MDGA2: variants seen among roughly 807,000 people sequenced by gnomAD.
MDGA2 encodes the protein MAM domain-containing glycosylphosphatidylinositol anchor protein 2.
MDGA2 carries 40 observed loss-of-function variants against 117.8 expected under a neutral mutation model. That is an observed-to-expected ratio of 0.34 (90% CI 0.26 to 0.44). The LOEUF is 0.44. MDGA2 is among the 20% of genes least tolerant of loss of function. MDGA2 has a pLI of 1.00. For synonymous variants in MDGA2, 452 were observed against 439.0 expected, an observed-to-expected ratio of 1.03 and a Z score of -0.37; for missense variants, 1,123 against 1,250.6, an observed-to-expected ratio of 0.90 and a Z score of 1.54.
chr14:47,552,906 T>C (rs1566511543), intron 1 of MDGA2, among the ~76,000 whole-genome samples: 1 of 152,226 alleles, frequency 6.6e-6, no homozygotes, highest in African/African-American at 2.4e-5. Flanking sequence ...TCCTTCCCCA[T>C]GGATTGCTTT....
At chr14:47,394,382 G>A (rs984072628) in intron 1 of MDGA2, among the ~76,000 whole-genome samples, 5 of 152,128 alleles carry the variant, frequency 3.3e-5, no homozygotes, top group African/African-American at 1.2e-4. Context: ...GTAACCTAGT[G>A]TAAAAGGTCC....
intron 5 of MDGA2, among the ~76,000 whole-genome samples, chr14:47,120,794 C>T (rs1881609739): frequency 1.3e-5 from 2 of 152,150 alleles, no homozygotes; most frequent in Admixed American, 1.3e-4. Flanking sequence ...GTCCTTATAA[C>T]AATGGACTGG....
At chr14:47,253,609 C>G (rs1011706161) in intron 2 of MDGA2, among the ~76,000 whole-genome samples, 2 of 152,236 alleles carry the variant, frequency 1.3e-5, no homozygotes, top group African/African-American at 4.8e-5. Flanking sequence ...ACAGATCCCT[C>G]CAGGCTGCTT....
rs541063627 is a variant in MDGA2 at position 47,622,618 on chromosome 14, C to T, written c.280+51899G>A. Among the ~76,000 whole-genome samples the T allele has an allele frequency of 7.9e-5, 12 of 151,644 alleles. No individual in the cohort carries two copies. The South Asian group carries it at 1.2e-3, about 16-fold the overall frequency. On this transcript the variant is annotated intron_variant, in intron 1 of 16. Transcript: ENST00000399232. ...GTTGTCAATTAAAGGTGGTGGGGGA[C>T]GAAAGCTGATCTTTAGGAAGTTGCA...
chr14:47,529,561 G>A (rs1341334425), intron 1 of MDGA2, among the ~76,000 whole-genome samples: 1 of 151,926 alleles, frequency 6.6e-6, no homozygotes. Context: ...AGAAAAACAT[G>A]TATTCTTGTA....
intron 1 of MDGA2, among the ~76,000 whole-genome samples, chr14:47,470,815 TA>T (rs1893709196): frequency 6.6e-6 from 1 of 152,176 alleles, no homozygotes; most frequent in South Asian, 2.1e-4. Flanking sequence ...CAGGAGTAGC[TA>T]TTTCCAGTGG....
At chr14:46,902,986 A>G (rs1000474034) in intron 10 of MDGA2, among the ~76,000 whole-genome samples, 1 of 152,242 alleles carries the variant, frequency 6.6e-6, no homozygotes, top group African/African-American at 2.4e-5. Flanking sequence ...CGGCCTACAC[A>G]CTGCAAGAAT....
At chr14:47,528,851 ACAAT>A (rs1232160127) in intron 1 of MDGA2, among the ~76,000 whole-genome samples, 1 of 152,162 alleles carries the variant, frequency 6.6e-6, no homozygotes, top group Non-Finnish European at 1.5e-5. Context: ...ATCTTGTAAA[ACAAT>A]CTATCTACTA....
intron 2 of MDGA2, among the ~76,000 whole-genome samples, chr14:47,289,073 T>C (rs930768110): frequency 1.3e-5 from 2 of 152,056 alleles, no homozygotes; most frequent in East Asian, 1.9e-4. Context: ...TTATTAAACT[T>C]AAGTCTGAAA....
At chr14:47,248,057 T>C (rs950349407) in intron 2 of MDGA2, among the ~76,000 whole-genome samples, 1 of 151,694 alleles carries the variant, frequency 6.6e-6, no homozygotes, top group Non-Finnish European at 1.5e-5. Context: ...TGATGGGCAT[T>C]TGGATTGGTT....
chr14:47,486,209 A>G (rs932556479), intron 1 of MDGA2, among the ~76,000 whole-genome samples: 1 of 152,192 alleles, frequency 6.6e-6, no homozygotes, highest in Non-Finnish European at 1.5e-5. Context: ...TTGCATCAGC[A>G]TGACCTGGAT....
intron 8 of MDGA2, among the ~76,000 whole-genome samples, chr14:47,012,826 G>A (rs560492045): frequency 6.6e-6 from 1 of 152,130 alleles, no homozygotes; most frequent in Middle Eastern, 3.4e-3. Context: ...AGAAGAGCAA[G>A]CCACGAATTT....
chr14:47,208,688 T>C (rs1208648040), intron 3 of MDGA2, among the ~76,000 whole-genome samples: 1 of 151,958 alleles, frequency 6.6e-6, no homozygotes, highest in Non-Finnish European at 1.5e-5. Flanking sequence ...AGCAGGAGCA[T>C]CTGCCTGCCA....
chr14:46,886,503 T>C (rs1174183267), intron 10 of MDGA2, among the ~76,000 whole-genome samples: 2 of 151,958 alleles, frequency 1.3e-5, no homozygotes, highest in South Asian at 2.1e-4. Context: ...AAACACTGAG[T>C]TGAAGATACT....
At chr14:46,940,886 G>A (rs532621631) in intron 9 of MDGA2, among the ~76,000 whole-genome samples, 1 of 152,164 alleles carries the variant, frequency 6.6e-6, no homozygotes, top group Non-Finnish European at 1.5e-5. Flanking sequence ...GGAGCAAGAG[G>A]TGTTCAAGTG....
At chr14:47,116,891 C>T (rs1881358053) in intron 5 of MDGA2, among the ~76,000 whole-genome samples, 1 of 149,574 alleles carries the variant, frequency 6.7e-6, no homozygotes, top group African/African-American at 2.5e-5. Context: ...TAGAAAACAA[C>T]AACAAAAATA....
chr14:47,465,911 A>T (rs913290599), intron 1 of MDGA2, among the ~76,000 whole-genome samples: 1 of 152,174 alleles, frequency 6.6e-6, no homozygotes, highest in Non-Finnish European at 1.5e-5. Context: ...TCACAATAGC[A>T]GACATGGAAT....
intron 8 of MDGA2, among the ~76,000 whole-genome samples, chr14:47,033,165 T>C (rs1888722495): frequency 6.6e-6 from 1 of 152,244 alleles, no homozygotes; most frequent in South Asian, 2.1e-4. Flanking sequence ...CTGAATTTAT[T>C]TTCTAGCGGA....
rs142888379 is a variant in MDGA2, at chr14:46,852,822, T to A, written c.2883+2202A>T. On this transcript the variant is annotated intron_variant, in intron 15 of 16. Coordinates refer to ENST00000399232, the MANE Select transcript of MDGA2 (RefSeq NM_001113498.3). Reference sequence around the variant, plus strand: ...ATCTTAAAAGCAACACCTAAAATAATCAAACTCTTCTGAAGTAACTCAACT... The same window carrying A: ...ATCTTAAAAGCAACACCTAAAATAAACAAACTCTTCTGAAGTAACTCAACT... Among the ~76,000 whole-genome samples the A allele has an allele frequency of 3.9e-5, 6 of 151,984 alleles. No individual in the cohort carries two copies. The East Asian group carries it at 1.2e-3, about 29-fold the overall frequency.
Sources: allele counts gnomAD v4.1 joint callset (sites outside exome capture counted in the v4.1 genomes callset), GRCh38; gene constraint gnomAD v4.1.1; transcripts MANE v1.5; gene names NCBI Gene and HGNC (gene_info 2026-07-23, HGNC 2026-07-21).